PRKD1: variants seen among roughly 807,000 people sequenced by gnomAD.
The protein encoded by PRKD1 is protein kinase D1.
In PRKD1, 63 loss-of-function variants were observed where a neutral mutation model predicts 95.9. That is an observed-to-expected ratio of 0.66 (90% CI 0.54 to 0.81). PRKD1 has a LOEUF of 0.81. PRKD1 is among the 30% of genes least tolerant of loss of function. The pLI, the probability that PRKD1 is intolerant of heterozygous loss-of-function variation, is 0.00. For synonymous variants in PRKD1, 425 were observed against 423.1 expected, an observed-to-expected ratio of 1.00 and a Z score of -0.05; for missense variants, 1,048 against 1,165.3, an observed-to-expected ratio of 0.90 and a Z score of 1.47.
At chr14:29,698,568 A>T (rs45609631) in intron 2 of PRKD1, among the ~76,000 whole-genome samples, 1 of 152,004 alleles carries the variant, frequency 6.6e-6, no homozygotes, top group Non-Finnish European at 1.5e-5. Context: ...TCTAATAATG[A>T]AACTCTAAAA....
intron 1 of PRKD1, among the ~76,000 whole-genome samples, chr14:29,739,860 A>G (rs1886905364): frequency 6.6e-6 from 1 of 152,196 alleles, no homozygotes; most frequent in Admixed American, 6.5e-5. Context: ...ATAACATGTC[A>G]TCTATTAAGA....
intron 2 of PRKD1, among the ~76,000 whole-genome samples, chr14:29,675,979 TGGGGTGG>T (rs1883159599): frequency 1.7e-5 from 1 of 59,042 alleles, no homozygotes; most frequent in African/African-American, 7.0e-5. Context: ...GGGCCTGTCG[TGGGGTGG>T]GGGGTGGGGG....
intron 2 of PRKD1, among the ~76,000 whole-genome samples, chr14:29,714,537 G>A (rs767368128): frequency 6.6e-6 from 1 of 152,166 alleles, no homozygotes; most frequent in Non-Finnish European, 1.5e-5. Context: ...AACGATTGTG[G>A]AAGACAGTGT....
At chr14:29,665,136 CT>C (rs1244327460) in intron 3 of PRKD1, among the ~76,000 whole-genome samples, 1 of 152,154 alleles carries the variant, frequency 6.6e-6, no homozygotes, top group Non-Finnish European at 1.5e-5. Context: ...CATGTACCCC[CT>C]AAATGCCTGG....
At chr14:29,814,971 G>A (rs372337259) in intron 1 of PRKD1, among the ~76,000 whole-genome samples, 2 of 152,162 alleles carry the variant, frequency 1.3e-5, no homozygotes, top group Admixed American at 6.5e-5. Context: ...CAGAATGCAC[G>A]TATTAACATA....
At chr14:29,589,877 A>G (rs977405837) in intron 16 of PRKD1, among the ~76,000 whole-genome samples, 3 of 152,130 alleles carry the variant, frequency 2.0e-5, no homozygotes, top group Admixed American at 6.5e-5. Flanking sequence ...TGCCTTCCGG[A>G]GACTACCTAT....
At chr14:29,602,551 T>C (rs1032717156) in intron 13 of PRKD1, among the ~76,000 whole-genome samples, 1 of 151,024 alleles carries the variant, frequency 6.6e-6, no homozygotes, top group Non-Finnish European at 1.5e-5. Context: ...TGCCTCAGCC[T>C]CCCGGGTAGC....
intron 1 of PRKD1, among the ~76,000 whole-genome samples, chr14:29,889,826 T>G (rs904445022): frequency 1.4e-4 from 22 of 152,228 alleles, no homozygotes; most frequent in Non-Finnish European, 1.6e-4. Flanking sequence ...ACATGGCACA[T>G]GTATACCTAT....
At chr14:29,675,774 A>G (rs1404439162) in intron 2 of PRKD1, among the ~76,000 whole-genome samples, 1 of 152,052 alleles carries the variant, frequency 6.6e-6, no homozygotes, top group Non-Finnish European at 1.5e-5. Flanking sequence ...TGTGGCACAT[A>G]TACACCATGG....
At chr14:29,837,811 C>T (rs928137832) in intron 1 of PRKD1, among the ~76,000 whole-genome samples, 2 of 152,084 alleles carry the variant, frequency 1.3e-5, no homozygotes, top group Admixed American at 6.5e-5. Flanking sequence ...CATGCACAAA[C>T]ATATATATAA....
At chr14:29,702,239 C>A (rs879730288) in intron 2 of PRKD1, among the ~76,000 whole-genome samples, 7 of 152,008 alleles carry the variant, frequency 4.6e-5, no homozygotes, top group Admixed American at 4.6e-4. Flanking sequence ...CGTGTAAGAG[C>A]TTTTAAGTTT....
intron 1 of PRKD1, among the ~76,000 whole-genome samples, chr14:29,884,121 A>T (rs926959591): frequency 6.6e-6 from 1 of 152,226 alleles, no homozygotes; most frequent in Non-Finnish European, 1.5e-5. Context: ...GTACATAAAT[A>T]CATTTTCAAA....
At chr14:29,653,380 C>T (rs1254101003) in intron 4 of PRKD1, among the ~76,000 whole-genome samples, 2 of 152,074 alleles carry the variant, frequency 1.3e-5, no homozygotes, top group Non-Finnish European at 2.9e-5. Flanking sequence ...AGCCTCTTAA[C>T]TTCAAAGCTA....
At chr14:29,658,544 C>A (rs956679362) in intron 4 of PRKD1, among the ~76,000 whole-genome samples, 2 of 151,850 alleles carry the variant, frequency 1.3e-5, no homozygotes, top group African/African-American at 4.8e-5. Context: ...TTAAGAAACA[C>A]AGAGACAGCT....
intron 15 of PRKD1, among the ~76,000 whole-genome samples, chr14:29,597,963 T>C (rs1159849003): frequency 1.3e-5 from 2 of 152,198 alleles, no homozygotes; most frequent in African/African-American, 4.8e-5. Context: ...ATGTTTTCAT[T>C]CATAAAAATA....
intron 13 of PRKD1, among the ~76,000 whole-genome samples, chr14:29,618,012 G>C (rs573755868): frequency 4.6e-5 from 7 of 152,008 alleles, no homozygotes; most frequent in Non-Finnish European, 8.8e-5. Flanking sequence ...AGGCTGCAGC[G>C]AGCTGTGATC....
chr14:29,647,672 T>C (rs1462067661), intron 4 of PRKD1, among the ~76,000 whole-genome samples: 2 of 152,138 alleles, frequency 1.3e-5, no homozygotes, highest in Non-Finnish European at 2.9e-5. Flanking sequence ...GCTGGGAAAG[T>C]ATGACATAAA....
At chr14:29,764,014 C>A (rs867980243) in intron 1 of PRKD1, among the ~76,000 whole-genome samples, 1 of 152,020 alleles carries the variant, frequency 6.6e-6, no homozygotes, top group Non-Finnish European at 1.5e-5. Context: ...CATGTACATA[C>A]GTAAGTGTGT....
At chr14:29,880,187 C>T (rs1164240544) in intron 1 of PRKD1, among the ~76,000 whole-genome samples, 2 of 152,174 alleles carry the variant, frequency 1.3e-5, no homozygotes, top group Non-Finnish European at 2.9e-5. Context: ...CATCACTGGC[C>T]CAGGGGCCCA....
Sources: gnomAD v4.1 joint callset for allele counts (sites outside exome capture counted in the v4.1 genomes callset) on GRCh38, gnomAD v4.1.1 for gene constraint, MANE v1.5 for transcripts, NCBI Gene and HGNC (gene_info 2026-07-23, HGNC 2026-07-21) for gene names.